Variants in DPP6 observed in about 807,000 individuals in gnomAD.
DPP6 encodes the protein dipeptidyl peptidase like 6.
A neutral mutation model predicts 122.6 loss-of-function variants in DPP6; 69 were observed. That is an observed-to-expected ratio of 0.56 (90% confidence interval 0.46 to 0.69). DPP6 has a LOEUF of 0.69. Among genes scored for constraint, DPP6 ranks in the 30% least tolerant of loss-of-function variants. The probability of loss-of-function intolerance (pLI) is 0.00; values close to 1 mark genes in which losing one functional copy is unlikely to be tolerated. For missense variants in DPP6, 928 were observed against 1,116.9 expected, an observed-to-expected ratio of 0.83 and a Z score of 2.41; for synonymous variants, 418 against 433.1, an observed-to-expected ratio of 0.97 and a Z score of 0.43.
At chr7:153,897,337 T>C (rs1344492085) in intron 1 of DPP6, among the ~76,000 whole-genome samples, 1 of 152,080 alleles carries the variant, frequency 6.6e-6, no homozygotes, top group Non-Finnish European at 1.5e-5. Flanking sequence ...GGGAGAAAAA[T>C]AAGAGATCAA....
In DPP6 at chr7:154,061,986, C is replaced by T. The variant is rs113684396; in HGVS notation, c.243+8923C>T. Among the ~76,000 whole-genome samples, 282 of 125,922 alleles carry T rather than the reference C, an allele frequency of 2.2e-3. 22 individuals are homozygous for T. Among genetic ancestry groups the T allele is most frequent in the African/African-American group, 7.1e-3 (240 of 33,928 alleles). The allele number at this position is 125,922 out of a possible 152,430, so 82.6% of individuals were successfully genotyped here. On this transcript the variant is annotated intron_variant, in intron 1 of 25. Coordinates refer to ENST00000377770, the MANE Select transcript of DPP6 (RefSeq NM_130797.4). Reference sequence around the variant, plus strand: ...GGGGACTGAGAGCTATCCCCTCTTCCGCCCCTGGCTGTTGGTACCCCCATC... The same window carrying T: ...GGGGACTGAGAGCTATCCCCTCTTCTGCCCCTGGCTGTTGGTACCCCCATC...
chr7:154,456,946 C>A (rs1417660596), intron 2 of DPP6, among the ~76,000 whole-genome samples: 1 of 64,544 alleles, frequency 1.5e-5, no homozygotes, highest in Non-Finnish European at 3.1e-5. Context: ...GCCAGAACTT[C>A]CAACACTATG....
At chr7:153,932,451 C>T (rs189089939) in intron 1 of DPP6, among the ~76,000 whole-genome samples, 1 of 152,140 alleles carries the variant, frequency 6.6e-6, no homozygotes, top group Admixed American at 6.5e-5. Flanking sequence ...AACTATAAGC[C>T]ACTAGCATCC....
chr7:154,169,575 G>A (rs1797431461), intron 1 of DPP6, among the ~76,000 whole-genome samples: 1 of 152,172 alleles, frequency 6.6e-6, no homozygotes, highest in African/African-American at 2.4e-5. Context: ...ATAATTGGGT[G>A]TGTTAAATGA....
intron 8 of DPP6, among the ~76,000 whole-genome samples, chr7:154,751,373 GC>G (rs1041063993): frequency 6.6e-6 from 1 of 151,910 alleles, no homozygotes; most frequent in African/African-American, 2.4e-5. Flanking sequence ...ACCAAGGCGG[GC>G]CGATCACCTG....
chr7:154,400,070 G>C (rs56309293), intron 1 of DPP6, among the ~76,000 whole-genome samples: 12,960 of 152,096 alleles, frequency 0.085, 636 homozygotes, highest in East Asian at 0.12. Flanking sequence ...ACCTCCAGGG[G>C]CATTTGAATA....
chr7:154,361,795 A>G (rs1811748713), intron 1 of DPP6, among the ~76,000 whole-genome samples: 1 of 152,238 alleles, frequency 6.6e-6, no homozygotes, highest in African/African-American at 2.4e-5. Flanking sequence ...CACACATAGC[A>G]TTATGAAGGA....
chr7:154,828,929 G>A (rs1800402649), intron 16 of DPP6, among the ~76,000 whole-genome samples: 1 of 152,088 alleles, frequency 6.6e-6, no homozygotes, highest in African/African-American at 2.4e-5. Context: ...TATTTACAGT[G>A]CCCTGAACAT....
At chr7:154,209,106 T>A (rs1037541036) in intron 1 of DPP6, among the ~76,000 whole-genome samples, 2 of 152,216 alleles carry the variant, frequency 1.3e-5, no homozygotes, top group African/African-American at 4.8e-5. Context: ...AATGAGGATC[T>A]GGATGGAGAG....
the DPP6 span, among the ~76,000 whole-genome samples, chr7:153,803,513 G>A: frequency 0.012 from 1,776 of 151,950 alleles, 36 homozygotes; most frequent in African/African-American, 0.04. Flanking sequence ...CCTTGGACTC[G>A]GATTCACGCC....
At chr7:154,640,525 T>C (rs114453259) in intron 6 of DPP6, among the ~76,000 whole-genome samples, 112 of 152,282 alleles carry the variant, frequency 7.4e-4, no homozygotes, top group African/African-American at 2.7e-3. Context: ...ATAAGGCCAT[T>C]GATGAGAAAT....
At chr7:154,787,427 C>A (rs1324324382) in intron 10 of DPP6, among the ~76,000 whole-genome samples, 1 of 152,172 alleles carries the variant, frequency 6.6e-6, no homozygotes, top group Non-Finnish European at 1.5e-5. Context: ...AATTATCATA[C>A]AAACCAGTGT....
At chr7:153,835,516 C>T in the DPP6 span, among the ~76,000 whole-genome samples, 1 of 152,098 alleles carries the variant, frequency 6.6e-6, no homozygotes, top group Non-Finnish European at 1.5e-5. Flanking sequence ...TTCTGTGAAC[C>T]AAATGCTCTC....
chr7:154,037,182 A>G (rs1400432068), intron 1 of DPP6, among the ~76,000 whole-genome samples: 1 of 152,186 alleles, frequency 6.6e-6, no homozygotes, highest in Non-Finnish European at 1.5e-5. Flanking sequence ...CTTGGTAGGA[A>G]GACGGCCTTC....
At chr7:154,741,600 G>A (rs1283365230) in intron 8 of DPP6, among the ~76,000 whole-genome samples, 1 of 152,218 alleles carries the variant, frequency 6.6e-6, no homozygotes, top group Non-Finnish European at 1.5e-5. Context: ...TGCCTATAAA[G>A]TATTGGGATT....
chr7:153,888,609 ATTGT>A (rs1049955478), intron 1 of DPP6, among the ~76,000 whole-genome samples: 31 of 151,572 alleles, frequency 2.0e-4, no homozygotes, highest in Admixed American at 6.6e-4. Context: ...TTCTGTTGAA[ATTGT>A]TTGTGTGCCT....
intron 1 of DPP6, among the ~76,000 whole-genome samples, chr7:154,017,686 T>C (rs1798486296): frequency 7.0e-6 from 1 of 141,980 alleles, no homozygotes; most frequent in Non-Finnish European, 1.5e-5. Flanking sequence ...GGTGACAGAG[T>C]GAGCCCTTGT....
At chr7:154,777,589 C>T (rs1008812489) in intron 10 of DPP6, among the ~76,000 whole-genome samples, 5 of 152,298 alleles carry the variant, frequency 3.3e-5, no homozygotes, top group Middle Eastern at 3.4e-3. Context: ...CTGCTGGTTT[C>T]CTCCGGCCTT....
At position 154,871,284 on chromosome 7, in the gene DPP6, T is replaced by A. The variant is rs189891975; in HGVS notation, c.1814-1340T>A. On this transcript the variant is annotated intron_variant, in intron 18 of 25. Coordinates refer to ENST00000377770, the MANE Select transcript of DPP6 (RefSeq NM_130797.4). ...CAGCTTTCCCACCCTTGCCACACAC[T>A]CTGTCCAGCAGGGGGTTTCCTTAAA... Among the ~76,000 whole-genome samples, 94 of 152,232 alleles carry A rather than the reference T, an allele frequency of 6.2e-4. 1 individual carries two copies. The highest frequency in any genetic ancestry group is 2.9e-3 in the Admixed American group (45 of 15,288).
Sources: gnomAD v4.1 joint callset for allele counts (sites outside exome capture counted in the v4.1 genomes callset) on GRCh38, gnomAD v4.1.1 for gene constraint, MANE v1.5 for transcripts, NCBI Gene and HGNC (gene_info 2026-07-23, HGNC 2026-07-21) for gene names.